The following ANGPTL7 variants were observed in gnomAD, a reference collection of about 807,000 sequenced individuals.
The protein encoded by ANGPTL7 is angiopoietin-related protein 7.
ANGPTL7 carries 37 observed loss-of-function variants against 38.8 expected under a neutral mutation model. The ratio of observed to expected loss-of-function variants is 0.95; its 90% CI spans 0.73 to 1.25. The LOEUF is 1.25. Among genes scored for constraint, ANGPTL7 ranks in the 50% most tolerant of loss-of-function variants. The pLI is 0.00. For synonymous variants in ANGPTL7, 166 were observed against 163.2 expected (o/e 1.02, Z -0.13); for missense variants, 427 against 438.6 (o/e 0.97, Z 0.24).
chr1:11,194,521 A>T lies in ANGPTL7; in HGVS notation c.733A>T (p.Asn245Tyr), dbSNP rs1227950137. The T allele has an allele frequency of 5.0e-6, 8 of 1,614,060 alleles. No homozygotes were observed. The highest frequency in any genetic ancestry group is 6.8e-6 in the Non-Finnish European group (8 of 1,180,040). ...YSHFVLGNEL[N>Y]SYRLFLGNYT... Reference sequence around the variant, plus strand: ...CCACTTTGTTTTGGGCAATGAACTCAACAGCTATCGCCTCTTCCTGGGGAA... The same window carrying T: ...CCACTTTGTTTTGGGCAATGAACTCTACAGCTATCGCCTCTTCCTGGGGAA... Residue 245 changes from asparagine to tyrosine, a missense_variant, in exon 4 of 5, where the codon AAC becomes TAC. Physicochemically the swap from Asn to Tyr is moderately radical, Grantham distance 143 (BLOSUM62 -2). Coordinates refer to ENST00000376819, the MANE Select transcript of ANGPTL7 (RefSeq NM_021146.4).
chr1:11,193,503 C>A, intron 2 of ANGPTL7, 77 bp from the exon 3 acceptor site: 1 of 1,339,082 alleles, frequency 7.5e-7, no homozygotes, highest in Non-Finnish European at 1.0e-6. Flanking sequence ...GGGACAGGAA[C>A]AGGTTGGGAA....
Position 11,189,498 on chromosome 1 carries a change from C to T in ANGPTL7, c.-82C>T, listed in dbSNP as rs1645438939. ...GAGTGAAAGCGTAAGGTTCAGTCAG[C>T]CTGCTGCAGCTTTGCAGACCTCAGC... On this transcript the variant is annotated 5_prime_UTR_variant, in exon 1 of 5. Coordinates refer to ENST00000376819, the MANE Select transcript of ANGPTL7 (RefSeq NM_021146.4). 9 of 1,474,150 alleles carry T rather than the reference C, an allele frequency of 6.1e-6. No homozygotes were observed. The highest frequency in any genetic ancestry group is 8.2e-6 in the Non-Finnish European group (9 of 1,102,602). The allele number at this position is 1,474,150 out of a possible 1,614,324, so 91.3% of individuals were successfully genotyped here.
At chr1:11,192,400 C>A in intron 2 of ANGPTL7, 30 bp downstream of exon 2, 1 of 1,534,062 alleles carries the variant, frequency 6.5e-7, no homozygotes, top group Non-Finnish European at 9.0e-7. Flanking sequence ...TGGCCATGCC[C>A]TAATACCTGT....
intron 2 of ANGPTL7, among the ~76,000 whole-genome samples, chr1:11,192,981 G>C (rs1645609913): frequency 6.6e-6 from 1 of 151,868 alleles, no homozygotes; most frequent in Non-Finnish European, 1.5e-5. Context: ...CTATTCCTTG[G>C]GGGAGGAGAA....
chr1:11,191,329 G>A (rs1043778054), intron 1 of ANGPTL7, among the ~76,000 whole-genome samples: 2 of 152,154 alleles, frequency 1.3e-5, no homozygotes, highest in Non-Finnish European at 2.9e-5. Context: ...CCACTAAGAC[G>A]AAATGAAGAA....
In ANGPTL7 at chr1:11,189,939, C is replaced by A; in HGVS notation, c.360C>A (p.Val120=). The A allele has an allele frequency of 6.2e-7, 1 of 1,610,936 alleles. No homozygotes were observed. The highest frequency in any genetic ancestry group is 1.1e-5 in the South Asian group (1 of 90,584). Residue 120 remains valine, a synonymous_variant, in exon 1 of 5, where the codon GTC becomes GTA. Transcript: ENST00000376819. ...TGCAGCTGCAGGCAGCACAGACGGT[C>A]ACTCAGACCTCCGCAGGTAAGGAGA... The part of the protein sequence containing the change: ...DIMQLQAAQT[V]TQTSADAIYD...
In ANGPTL7 at chr1:11,192,702, G is replaced by A. The variant is rs544427872; in HGVS notation, c.477+332G>A. Among the ~76,000 whole-genome samples, 44 of 143,520 alleles carry A rather than the reference G, an allele frequency of 3.1e-4. 1 individual carries two copies. Among genetic ancestry groups the A allele is most frequent in the Non-Finnish European group, 6.0e-4 (40 of 66,282 alleles). The allele number at this position is 143,520 out of a possible 152,430, so 94.2% of individuals were successfully genotyped here. On this transcript the variant is annotated intron_variant, in intron 2 of 4. Coordinates refer to ENST00000376819, the MANE Select transcript of ANGPTL7 (RefSeq NM_021146.4). Reference sequence around the variant, plus strand: ...AGAGGTTGCAGTGAGCCGAGATCACGCCACTGCACTATAATCTGGGAGACA... The same window carrying A: ...AGAGGTTGCAGTGAGCCGAGATCACACCACTGCACTATAATCTGGGAGACA...
At position 11,192,368 on chromosome 1, in the gene ANGPTL7, G is replaced by C. The variant is rs779157662; in HGVS notation, c.475G>C (p.Glu159Gln). The C allele has an allele frequency of 1.2e-6, 2 of 1,609,648 alleles. No homozygotes were observed. The highest frequency in any genetic ancestry group is 1.1e-5 in the South Asian group (1 of 90,976). The change falls in exon 2 of 5, where the codon GAG becomes CAG. Residue 159 changes from glutamate to glutamine, a missense_variant and splice_region_variant. Physicochemically the swap from Glu to Gln is conservative, Grantham distance 29. Coordinates refer to ENST00000376819, the MANE Select transcript of ANGPTL7 (RefSeq NM_021146.4). ...PDDFLGSPEL[E>Q]VFCDMETSGG... ...TGACTTCCTGGGCAGCCCTGAACTG[G>C]AGGTGAGGTCATTACAGTCACTGGC...
chr1:11,192,356 A>T lies in ANGPTL7; in HGVS notation c.463A>T (p.Ser155Cys). The T allele has an allele frequency of 6.2e-7, 1 of 1,613,406 alleles. No homozygotes were observed. The highest frequency in any genetic ancestry group is 1.3e-5 in the African/African-American group (1 of 75,042). ...GCTTCCTCCTGATGACTTCCTGGGC[A>T]GCCCTGAACTGGAGGTGAGGTCATT... ...YKLPPDDFLG[S>C]PELEVFCDME... Residue 155 changes from serine to cysteine, a missense_variant, in exon 2 of 5, where the codon AGC becomes TGC. Physicochemically the swap from Ser to Cys is moderately radical, Grantham distance 112 (BLOSUM62 -1). Coordinates refer to ENST00000376819, the MANE Select transcript of ANGPTL7 (RefSeq NM_021146.4).
At chr1:11,192,741 T>C (rs1384726541) in intron 2 of ANGPTL7, among the ~76,000 whole-genome samples, 3 of 114,426 alleles carry the variant, frequency 2.6e-5, no homozygotes, top group South Asian at 3.7e-4. Context: ...TGAGACTCCA[T>C]TTCAATTAAA....
At position 11,194,938 on chromosome 1, in the gene ANGPTL7, G is replaced by A. The variant is rs1160600384; in HGVS notation, c.956G>A (p.Gly319Asp). The A allele has an allele frequency of 4.3e-6, 7 of 1,613,994 alleles. No homozygotes were observed. Residue 319 changes from glycine (G) to aspartate (D), a missense_variant, in exon 5 of 5, where the codon GGC becomes GAC. By Grantham distance (94) the Gly-to-Asp change is moderately conservative. Transcript: ENST00000376819. Reference protein sequence around the residue: ...RLGEHNKHLDGITWYGWHGST... With the variant: ...RLGEHNKHLDDITWYGWHGST... Reference sequence around the variant, plus strand: ...GGTGAGCACAATAAGCACCTGGATGGCATCACCTGGTATGGCTGGCATGGA... The same window carrying A: ...GGTGAGCACAATAAGCACCTGGATGACATCACCTGGTATGGCTGGCATGGA...
At chr1:11,193,807 C>G in intron 3 of ANGPTL7, 33 bp downstream of exon 3, 3 of 1,608,588 alleles carry the variant, frequency 1.9e-6, no homozygotes, top group Non-Finnish European at 2.6e-6. Context: ...CATGACTGGA[C>G]CAGTGCCACC....
At chr1:11,193,269 C>T (rs1345000254) in intron 2 of ANGPTL7, among the ~76,000 whole-genome samples, 1 of 151,922 alleles carries the variant, frequency 6.6e-6, no homozygotes. Flanking sequence ...GAGATTGCAC[C>T]ACTGTACTCT....
At chr1:11,194,024 A>G (rs1247686248) in intron 3 of ANGPTL7, among the ~76,000 whole-genome samples, 1 of 152,200 alleles carries the variant, frequency 6.6e-6, no homozygotes, top group East Asian at 1.9e-4. Context: ...GAGTAGAGCA[A>G]ATTCAACAGT....
chr1:11,191,874 C>T (rs539946394), intron 1 of ANGPTL7, among the ~76,000 whole-genome samples: 3 of 152,280 alleles, frequency 2.0e-5, no homozygotes, highest in South Asian at 2.1e-4. Context: ...GAGATATTCA[C>T]GACTGATTTG....
At chr1:11,190,892 A>G (rs1645503251) in intron 1 of ANGPTL7, among the ~76,000 whole-genome samples, 1 of 152,240 alleles carries the variant, frequency 6.6e-6, no homozygotes, top group South Asian at 2.1e-4. Flanking sequence ...GGTTAACCTC[A>G]GCTCAAATTA....
In ANGPTL7 at chr1:11,195,180, C is replaced by T; in HGVS notation, c.*157C>T. 1.2e-6 allele frequency: 1 copy of T among 813,380 alleles called. No homozygotes were observed. The highest frequency in any genetic ancestry group is 1.9e-6 in the Non-Finnish European group (1 of 525,986). 50.4% of individuals were successfully genotyped at this position (813,380 alleles called of 1,614,324 possible). On this transcript the variant is annotated 3_prime_UTR_variant, in exon 5 of 5. Transcript: ENST00000376819. ...AAGTCTCCAAGGAGCACAAAAAAAT[C>T]ATATGTACCAAGGATGTTACAGTAA...
At chr1:11,193,464 C>G in intron 2 of ANGPTL7, 116 bp from the exon 3 acceptor site, 1 of 876,516 alleles carries the variant, frequency 1.1e-6, no homozygotes, top group Non-Finnish European at 1.7e-6. Context: ...AGTGTGACTG[C>G]GGGAGTGCAC....
Position 11,189,705 on chromosome 1 carries a change from G to A in ANGPTL7, c.126G>A (p.Ala42=), listed in dbSNP as rs576456694. The change falls in exon 1 of 5, where the codon GCG becomes GCA. Residue 42 remains alanine, a synonymous_variant. Transcript: ENST00000376819. The stretch of plus-strand genomic sequence containing the variant: ...CACCAGCACAGCCACAGCTCAAAGC[G>A]GCCAACTGCTGTGAGGAGGTGAAGG... ...HKTPAQPQLK[A]ANCCEEVKEL... 1.7e-5 allele frequency: 28 copies of A among 1,614,126 alleles called. No individual in the cohort carries two copies. The South Asian group carries it at 1.9e-4, about 11-fold the overall frequency.
Sources: allele counts gnomAD v4.1 joint callset (sites outside exome capture counted in the v4.1 genomes callset), GRCh38; gene constraint gnomAD v4.1.1; transcripts MANE v1.5; gene names NCBI Gene and HGNC (gene_info 2026-07-23, HGNC 2026-07-21).